GRIK2: variants seen among roughly 807,000 people sequenced by gnomAD.
The protein encoded by GRIK2 is glutamate receptor ionotropic, kainate 2.
A neutral mutation model predicts 100.3 loss-of-function variants in GRIK2; 32 were observed. That is an observed-to-expected ratio of 0.32 (90% CI 0.24 to 0.43). The LOEUF is 0.43. GRIK2 is among the 20% of genes least tolerant of loss of function. The probability of loss-of-function intolerance (pLI) is 1.00; values close to 1 mark genes in which losing one functional copy is unlikely to be tolerated. For missense variants in GRIK2, 843 were observed against 1,114.9 expected, an observed-to-expected ratio of 0.76 and a Z score of 3.47; for synonymous variants, 417 against 389.4, an observed-to-expected ratio of 1.07 and a Z score of -0.83.
intron 2 of GRIK2, among the ~76,000 whole-genome samples, chr6:101,601,954 A>G (rs1345457458): frequency 6.6e-6 from 1 of 151,066 alleles, no homozygotes; most frequent in Non-Finnish European, 1.5e-5. Context: ...AATTATAGTT[A>G]TTTTCTTCTG....
intron 14 of GRIK2, among the ~76,000 whole-genome samples, chr6:102,004,078 T>C (rs916363651): frequency 2.0e-4 from 31 of 151,586 alleles, no homozygotes; most frequent in Non-Finnish European, 3.8e-4. Flanking sequence ...TACCATATTT[T>C]ATCATCTAGT....
At chr6:101,470,316 C>T (rs1771878639) in intron 2 of GRIK2, among the ~76,000 whole-genome samples, 1 of 152,144 alleles carries the variant, frequency 6.6e-6, no homozygotes, top group South Asian at 2.1e-4. Flanking sequence ...CTTTCTTTCA[C>T]TTTCCCTGAG....
At chr6:101,978,713 G>A (rs1793544761) in intron 14 of GRIK2, among the ~76,000 whole-genome samples, 1 of 151,988 alleles carries the variant, frequency 6.6e-6, no homozygotes, top group South Asian at 2.1e-4. Context: ...ATGTCAGTGG[G>A]TTATAAATAA....
At chr6:102,068,286 A>T (rs556580597) in intron 16 of GRIK2, 61 bp from the exon 17 acceptor site, 12 of 1,234,000 alleles carry the variant, frequency 9.7e-6, no homozygotes, top group Middle Eastern at 2.0e-4. Context: ...TTTAATATTG[A>T]TCTTGGACAG....
At chr6:101,932,232 G>A (rs575511834) in intron 14 of GRIK2, among the ~76,000 whole-genome samples, 1 of 151,972 alleles carries the variant, frequency 6.6e-6, no homozygotes, top group East Asian at 1.9e-4. Context: ...TTTATTATGT[G>A]CACTAATACA....
chr6:101,948,483 A>G (rs1791411577), intron 14 of GRIK2, among the ~76,000 whole-genome samples: 1 of 148,050 alleles, frequency 6.8e-6, no homozygotes, highest in African/African-American at 2.5e-5. Context: ...TTATAGTTAT[A>G]TATAGTTATA....
chr6:101,896,474 T>A (rs1325322585), intron 12 of GRIK2, among the ~76,000 whole-genome samples: 1 of 151,824 alleles, frequency 6.6e-6, no homozygotes, highest in African/African-American at 2.4e-5. Context: ...CTAGTTGGCA[T>A]TTTTTAAGGA....
At chr6:101,797,685 A>AT (rs377326754) in intron 7 of GRIK2, among the ~76,000 whole-genome samples, 77,452 of 116,546 alleles carry the variant, frequency 0.66, 22,531 homozygotes, top group Middle Eastern at 0.72. Context: ...ACCATTATAT[A>AT]TTTTTTTTAT....
At chr6:101,463,211 A>G (rs1038579534) in intron 2 of GRIK2, among the ~76,000 whole-genome samples, 1 of 152,150 alleles carries the variant, frequency 6.6e-6, no homozygotes, top group African/African-American at 2.4e-5. Flanking sequence ...TTTTAGAGAC[A>G]GTATCCATAG....
At chr6:101,564,194 C>A (rs886282400) in intron 2 of GRIK2, among the ~76,000 whole-genome samples, 2 of 152,116 alleles carry the variant, frequency 1.3e-5, no homozygotes, top group African/African-American at 4.8e-5. Context: ...TTAAAACAAG[C>A]ATTTACATTT....
At chr6:102,003,255 A>G (rs982157402) in intron 14 of GRIK2, among the ~76,000 whole-genome samples, 1 of 151,602 alleles carries the variant, frequency 6.6e-6, no homozygotes, top group African/African-American at 2.4e-5. Flanking sequence ...ATATTTATAT[A>G]TGGGATAAAT....
At chr6:101,733,499 G>C (rs1386874856) in intron 7 of GRIK2, among the ~76,000 whole-genome samples, 1 of 152,018 alleles carries the variant, frequency 6.6e-6, no homozygotes, top group African/African-American at 2.4e-5. Context: ...GCATAATCCT[G>C]TCTTTATTCC....
At chr6:101,690,591 G>A (rs1772021839) in intron 7 of GRIK2, among the ~76,000 whole-genome samples, 1 of 151,712 alleles carries the variant, frequency 6.6e-6, no homozygotes, top group Non-Finnish European at 1.5e-5. Context: ...TCAGAACTTT[G>A]CTCATGGCTC....
At chr6:102,008,200 A>G (rs556402112) in intron 14 of GRIK2, among the ~76,000 whole-genome samples, 2 of 152,214 alleles carry the variant, frequency 1.3e-5, no homozygotes, top group South Asian at 4.1e-4. Context: ...TCAGTGTACA[A>G]ATAGAAAGGA....
chr6:101,858,576 A>G (rs574998833), intron 10 of GRIK2, among the ~76,000 whole-genome samples: 1 of 151,452 alleles, frequency 6.6e-6, no homozygotes, highest in Non-Finnish European at 1.5e-5. Flanking sequence ...TTTTTAGTAG[A>G]GATGGGGTTT....
At chr6:101,881,191 A>G (rs1673642369) in intron 11 of GRIK2, among the ~76,000 whole-genome samples, 1 of 151,898 alleles carries the variant, frequency 6.6e-6, no homozygotes, top group South Asian at 2.1e-4. Context: ...TACTTGTTTG[A>G]TAAATATATA....
At chr6:101,768,954 TA>T in intron 7 of GRIK2, among the ~76,000 whole-genome samples, 1 of 152,278 alleles carries the variant, frequency 6.6e-6, no homozygotes, top group African/African-American at 2.4e-5. Flanking sequence ...TTTTCTGATT[TA>T]AAAAAAGACA....
Position 101,780,763 on chromosome 6 carries a change from A to G in GRIK2, c.952-18885A>G, listed in dbSNP as rs1193668870. On this transcript the variant is annotated intron_variant, in intron 7 of 16. Transcript: ENST00000369134. ...GAGAGGATGAAGATTTAGCAAAAGC[A>G]GATAAATCAATCTCTAAATTTGGGT... is the stretch of plus-strand genomic sequence containing the variant. 2.6e-5 allele frequency among the ~76,000 whole-genome samples: 4 copies of G among 152,222 alleles called. No homozygotes were observed. In the East Asian group the frequency reaches 7.7e-4, roughly 29 times the overall value.
chr6:101,936,057 T>C (rs917743229), intron 14 of GRIK2, among the ~76,000 whole-genome samples: 2 of 152,082 alleles, frequency 1.3e-5, no homozygotes, highest in Non-Finnish European at 2.9e-5. Flanking sequence ...TTGAAGTTTA[T>C]AGATAATCTT....
Sources: gnomAD v4.1 joint callset for allele counts (sites outside exome capture counted in the v4.1 genomes callset) on GRCh38, gnomAD v4.1.1 for gene constraint, MANE v1.5 for transcripts, NCBI Gene and HGNC (gene_info 2026-07-23, HGNC 2026-07-21) for gene names.